OOSP4B: variants seen among roughly 807,000 people sequenced by gnomAD.
OOSP4B encodes oocyte-secreted protein 4B.
chr11:60,028,627 C>T (rs754979533), intron 3 of OOSP4B, among the ~76,000 whole-genome samples: 1 of 152,080 alleles, frequency 6.6e-6, no homozygotes. Context: ...GTTCCAGCTA[C>T]GCTGGGGTTT....
chr11:60,017,372 G>T, exon 1 of OOSP4B: 2 of 398,656 alleles, frequency 5.0e-6, no homozygotes, highest in Non-Finnish European at 8.8e-6. Flanking sequence ...TTTCTATGTT[G>T]TGTCTTGGAG....
chr11:60,020,935 C>T (rs1219605432), intron 1 of OOSP4B, among the ~76,000 whole-genome samples: 1 of 152,208 alleles, frequency 6.6e-6, no homozygotes, highest in Admixed American at 6.5e-5. Context: ...GCTCCTGCTC[C>T]CAGAGTACTA....
chr11:60,019,351 T>TA, intron 1 of OOSP4B: 1 of 164,262 alleles, frequency 6.1e-6, no homozygotes, highest in Non-Finnish European at 1.3e-5. Flanking sequence ...CCATCTCTAC[T>TA]AAAAATACAA....
Position 60,027,758 on chromosome 11 carries a change from G to A in OOSP4B, c.303-2024G>A, listed in dbSNP as rs565719505. ...AGTTCGAAACCAGCCTAACCAATGT[G>A]GTGGAACTCTGTCTCTACTAAAAAT... On this transcript the variant is annotated intron_variant, in intron 3 of 4. Transcript: ENST00000642343. Among the ~76,000 whole-genome samples the A allele has an allele frequency of 4.0e-5, 6 of 149,792 alleles. No homozygotes were observed. In the South Asian group the frequency reaches 1.3e-3, roughly 32 times the overall value.
At chr11:60,017,849 T>C (rs892925515) in intron 1 of OOSP4B, among the ~76,000 whole-genome samples, 2 of 152,180 alleles carry the variant, frequency 1.3e-5, no homozygotes, top group African/African-American at 4.8e-5. Context: ...GGCCTATCCA[T>C]GGTGCTGGAG....
At chr11:60,028,845 C>G (rs932470557) in intron 3 of OOSP4B, among the ~76,000 whole-genome samples, 5 of 152,134 alleles carry the variant, frequency 3.3e-5, no homozygotes, top group Admixed American at 1.3e-4. Context: ...GCCGGTCTTC[C>G]TCACTTAATG....
At chr11:60,024,778 T>A (rs1854729590) in intron 2 of OOSP4B, 130 bp from the exon 3 acceptor site, 1 of 393,754 alleles carries the variant, frequency 2.5e-6, no homozygotes. Context: ...TCATGAGGTC[T>A]ACTATTTTAT....
intron 1 of OOSP4B, among the ~76,000 whole-genome samples, chr11:60,018,934 A>G: frequency 6.6e-6 from 1 of 152,168 alleles, no homozygotes; most frequent in East Asian, 1.9e-4. Flanking sequence ...TAGTGCCTGT[A>G]GGCCGGGTGC....
At chr11:60,021,008 C>T (rs994932204) in intron 1 of OOSP4B, among the ~76,000 whole-genome samples, 5 of 152,238 alleles carry the variant, frequency 3.3e-5, no homozygotes, top group African/African-American at 9.6e-5. Flanking sequence ...GCACACACAA[C>T]GTCTTCCATC....
chr11:60,025,006 G>T lies in OOSP4B; in HGVS notation c.302+1G>T. On this transcript the variant is annotated splice_donor_variant, in intron 3 of 4. Transcript: ENST00000642343. LOFTEE classifies it high-confidence loss of function. ...TTCCAGTGGTTTGCTTTGTGAAGAG[G>T]TATGAGTAGCTACTTCTCTTACACA... 2.5e-6 allele frequency: 1 copy of T among 398,232 alleles called. No individual in the cohort carries two copies. Among genetic ancestry groups the T allele is most frequent in the Non-Finnish European group, 4.4e-6 (1 of 225,900 alleles). 24.7% of individuals were successfully genotyped at this position (398,232 alleles called of 1,614,324 possible). A position where few individuals can be genotyped will look rare whatever the true frequency, so the allele number is the denominator to read the frequency against.
At chr11:60,018,455 A>T (rs1166557464) in intron 1 of OOSP4B, among the ~76,000 whole-genome samples, 1 of 152,224 alleles carries the variant, frequency 6.6e-6, no homozygotes, top group Non-Finnish European at 1.5e-5. Context: ...AATCTCAGTG[A>T]GGCTGAGTTG....
intron 1 of OOSP4B, 99 bp from the exon 2 acceptor site, chr11:60,023,781 C>G: frequency 2.5e-6 from 1 of 396,674 alleles, no homozygotes; most frequent in Non-Finnish European, 4.4e-6. Context: ...TGAACGCTAC[C>G]CATGTAGCTT....
In OOSP4B at chr11:60,025,009, T is replaced by C. The variant is rs1433581606; in HGVS notation, c.302+4T>C. The C allele has an allele frequency of 1.3e-5, 5 of 398,200 alleles. No homozygotes were observed. Among genetic ancestry groups the C allele is most frequent in the Non-Finnish European group, 1.8e-5 (4 of 225,914 alleles). The allele number at this position is 398,200 out of a possible 1,614,324, so 24.7% of individuals were successfully genotyped here. ...CAGTGGTTTGCTTTGTGAAGAGGTA[T>C]GAGTAGCTACTTCTCTTACACATTC... is the stretch of plus-strand genomic sequence containing the variant. On this transcript the variant is annotated splice_donor_region_variant and intron_variant, in intron 3 of 4. Transcript: ENST00000642343.
chr11:60,029,965 C>T (rs1854790371), intron 4 of OOSP4B, 36 bp downstream of exon 4: 2 of 397,612 alleles, frequency 5.0e-6, no homozygotes, highest in African/African-American at 4.1e-5. Context: ...TATAGTTAAC[C>T]ACAATTTGTT....
Position 60,023,863 on chromosome 11 carries a change from G to A in OOSP4B, c.23-17G>A, listed in dbSNP as rs529239701. On this transcript the variant is annotated splice_polypyrimidine_tract_variant and intron_variant, in intron 1 of 4. Coordinates refer to ENST00000642343, the Ensembl canonical transcript of OOSP4B. Reference sequence around the variant, plus strand: ...AAGTATACTACCATATTACTTTTTGGATTTTTTTTCTTTTAGCAATAACTG... The same window carrying A: ...AAGTATACTACCATATTACTTTTTGAATTTTTTTTCTTTTAGCAATAACTG... 2 of 398,504 alleles carry A rather than the reference G, an allele frequency of 5.0e-6. No individual in the cohort carries two copies. The highest frequency in any genetic ancestry group is 4.1e-5 in the African/African-American group (2 of 48,718). The allele number at this position is 398,504 out of a possible 1,614,324, so 24.7% of individuals were successfully genotyped here. A position where few individuals can be genotyped will look rare whatever the true frequency, so the allele number is the denominator to read the frequency against.
intron 1 of OOSP4B, among the ~76,000 whole-genome samples, chr11:60,023,575 C>T (rs1854715778): frequency 6.6e-6 from 1 of 152,086 alleles, no homozygotes. Flanking sequence ...GCTGGGATTA[C>T]AGGGGCACGC....
chr11:60,020,637 G>T (rs1015008414), intron 1 of OOSP4B, among the ~76,000 whole-genome samples: 2 of 152,248 alleles, frequency 1.3e-5, no homozygotes, highest in African/African-American at 4.8e-5. Context: ...GCTGGCTCTG[G>T]CCTTGGCCAG....
chr11:60,022,436 C>G (rs1384205118), intron 1 of OOSP4B: 1 of 152,156 alleles, frequency 6.6e-6, no homozygotes, highest in African/African-American at 2.4e-5. Flanking sequence ...CTATTAATCT[C>G]TCTAGGAAAA....
At chr11:60,025,306 A>G (rs1854737235) in intron 3 of OOSP4B, among the ~76,000 whole-genome samples, 1 of 152,334 alleles carries the variant, frequency 6.6e-6, no homozygotes, top group East Asian at 1.9e-4. Flanking sequence ...CATGCGTATC[A>G]TGAATCAAGG....
Sources: gnomAD v4.1 joint callset for allele counts (sites outside exome capture counted in the v4.1 genomes callset) on GRCh38, gnomAD v4.1.1 for gene constraint, MANE v1.5 for transcripts, NCBI Gene and HGNC (gene_info 2026-07-23, HGNC 2026-07-21) for gene names.